Variants in JARID2 observed in about 807,000 individuals in gnomAD.
The protein encoded by JARID2 is jumonji and AT-rich interaction domain containing 2.
A neutral mutation model predicts 125.6 loss-of-function variants in JARID2; 21 were observed. That is an observed-to-expected ratio of 0.17 (90% confidence interval 0.12 to 0.24). JARID2 has a LOEUF of 0.24. JARID2 is among the 10% of genes least tolerant of loss of function. The probability of loss-of-function intolerance (pLI) is 1.00; values close to 1 mark genes in which losing one functional copy is unlikely to be tolerated. For synonymous variants in JARID2, 736 were observed against 661.6 expected (o/e 1.11, Z -1.73); for missense variants, 1,303 against 1,639.6 (o/e 0.79, Z 3.55).
intron 7 of JARID2, among the ~76,000 whole-genome samples, chr6:15,497,671 G>C (rs1478797996): frequency 7.7e-6 from 1 of 130,090 alleles, no homozygotes; most frequent in Admixed American, 7.6e-5. Flanking sequence ...AAAAAGTATT[G>C]AGCTTGGATC....
intron 4 of JARID2, among the ~76,000 whole-genome samples, chr6:15,455,084 C>T (rs1768097000): frequency 1.3e-5 from 2 of 151,664 alleles, no homozygotes; most frequent in African/African-American, 4.8e-5. Flanking sequence ...TAGTCCATCT[C>T]TGTGGAGGCT....
intron 2 of JARID2, among the ~76,000 whole-genome samples, chr6:15,408,741 A>G (rs1440074499): frequency 6.6e-6 from 1 of 152,224 alleles, no homozygotes. Flanking sequence ...CACACTGGGC[A>G]TATTTCAGGT....
intron 2 of JARID2, among the ~76,000 whole-genome samples, chr6:15,377,923 G>T (rs951200510): frequency 2.1e-5 from 3 of 146,108 alleles, no homozygotes; most frequent in African/African-American, 7.7e-5. Flanking sequence ...GTTTCCCTCT[G>T]TTGCCTGGCT....
intron 1 of JARID2, among the ~76,000 whole-genome samples, chr6:15,254,557 C>T (rs1759579479): frequency 6.6e-6 from 1 of 152,078 alleles, no homozygotes; most frequent in African/African-American, 2.4e-5. Context: ...GAAAGAGGAA[C>T]CCTACTGGTA....
chr6:15,390,924 C>G (rs1450572304), intron 2 of JARID2, among the ~76,000 whole-genome samples: 4 of 152,138 alleles, frequency 2.6e-5, no homozygotes, highest in Non-Finnish European at 4.4e-5. Context: ...TTGTTGTTTT[C>G]CGTCTCAGAA....
At chr6:15,499,229 T>C (rs1770610061) in intron 7 of JARID2, among the ~76,000 whole-genome samples, 2 of 152,110 alleles carry the variant, frequency 1.3e-5, no homozygotes, top group South Asian at 4.1e-4. Flanking sequence ...AACTTTGAAG[T>C]AATAGCCTAA....
intron 3 of JARID2, among the ~76,000 whole-genome samples, chr6:15,444,474 C>T (rs2127623966): frequency 6.6e-6 from 1 of 152,210 alleles, no homozygotes; most frequent in South Asian, 2.1e-4. Flanking sequence ...GAGGGTATCC[C>T]TTGCCCGACC....
chr6:15,365,165 TATTTG>T (rs1763931425), intron 1 of JARID2, among the ~76,000 whole-genome samples: 1 of 152,218 alleles, frequency 6.6e-6, no homozygotes, highest in East Asian at 1.9e-4. Context: ...TTGAACTATT[TATTTG>T]ATTTGATTTT....
At chr6:15,270,206 C>T (rs1190340984) in intron 1 of JARID2, among the ~76,000 whole-genome samples, 1 of 152,152 alleles carries the variant, frequency 6.6e-6, no homozygotes, top group Admixed American at 6.5e-5. Context: ...GATCTTGGCT[C>T]ACTGCAGCCT....
chr6:15,416,793 G>A (rs866477642), intron 3 of JARID2, among the ~76,000 whole-genome samples: 12 of 152,214 alleles, frequency 7.9e-5, no homozygotes, highest in Non-Finnish European at 1.5e-4. Flanking sequence ...CTTTCATCCT[G>A]TTCTGAATGT....
chr6:15,334,597 C>T (rs1762818622), intron 1 of JARID2, among the ~76,000 whole-genome samples: 1 of 152,118 alleles, frequency 6.6e-6, no homozygotes. Flanking sequence ...TGCTGTTTTC[C>T]ATTGCGCTTT....
In JARID2 at chr6:15,313,400, C is replaced by T. The variant is rs999453817; in HGVS notation, c.46-60717C>T. 2.6e-5 allele frequency among the ~76,000 whole-genome samples: 4 copies of T among 152,148 alleles called. No homozygotes were observed. The East Asian group carries it at 7.7e-4, about 29-fold the overall frequency. On this transcript the variant is annotated intron_variant, in intron 1 of 17. Coordinates refer to ENST00000341776, the MANE Select transcript of JARID2 (RefSeq NM_004973.4). ...GCCTGGGTTCATAGTCACTACATAT[C>T]CCAGCTCCCCAAGCCCTAGGAGGTA...
At chr6:15,277,002 T>C (rs1489672232) in intron 1 of JARID2, among the ~76,000 whole-genome samples, 4 of 152,248 alleles carry the variant, frequency 2.6e-5, no homozygotes. Flanking sequence ...CGTTAGAAGA[T>C]GAGACTCCAT....
At chr6:15,413,331 T>A (rs1045780362) in intron 3 of JARID2, among the ~76,000 whole-genome samples, 2 of 152,192 alleles carry the variant, frequency 1.3e-5, no homozygotes, top group African/African-American at 4.8e-5. Flanking sequence ...CTTTTAAGAC[T>A]GACCATTTGC....
chr6:15,427,275 C>T (rs938312881), intron 3 of JARID2, among the ~76,000 whole-genome samples: 2 of 152,302 alleles, frequency 1.3e-5, no homozygotes, highest in South Asian at 4.1e-4. Flanking sequence ...TATTTGCATC[C>T]TCTGCAGGTT....
chr6:15,374,673 C>T (rs1254619450), intron 2 of JARID2, among the ~76,000 whole-genome samples: 1 of 152,192 alleles, frequency 6.6e-6, no homozygotes, highest in Non-Finnish European at 1.5e-5. Context: ...TCTCTCCTTC[C>T]TTCCTTGCTG....
intron 1 of JARID2, chr6:15,324,438 T>G (rs1290036840): frequency 6.6e-6 from 1 of 152,144 alleles, no homozygotes; most frequent in Non-Finnish European, 1.5e-5. Context: ...TGTGTAATGT[T>G]CCAGTTTTAA....
intron 1 of JARID2, among the ~76,000 whole-genome samples, chr6:15,313,875 G>A (rs980163609): frequency 4.6e-5 from 7 of 152,164 alleles, no homozygotes; most frequent in Non-Finnish European, 8.8e-5. Flanking sequence ...TTGGGCCTAG[G>A]AGAGTAGACA....
At chr6:15,252,645 T>C (rs1239674036) in intron 1 of JARID2, among the ~76,000 whole-genome samples, 2 of 152,242 alleles carry the variant, frequency 1.3e-5, no homozygotes, top group South Asian at 4.1e-4. Flanking sequence ...ATATATTGTT[T>C]TACTTATGAG....
Sources: gnomAD v4.1 joint callset for allele counts (sites outside exome capture counted in the v4.1 genomes callset) on GRCh38, gnomAD v4.1.1 for gene constraint, MANE v1.5 for transcripts, NCBI Gene and HGNC (gene_info 2026-07-23, HGNC 2026-07-21) for gene names.